The following JRK variants were observed in gnomAD, a reference collection of about 807,000 sequenced individuals.
JRK encodes Jrk helix-turn-helix protein.
For synonymous variants in JRK, 303 were observed against 218.1 expected (o/e 1.39, Z -3.43); for missense variants, 720 against 509.2 (o/e 1.41, Z -3.98).
At position 142,665,896 on chromosome 8, in the gene JRK, T is replaced by C. The variant is rs1554635951; in HGVS notation, c.163A>G (p.Ile55Val). 4 of 788,120 alleles carry C rather than the reference T, an allele frequency of 5.1e-6. No homozygotes were observed. Among genetic ancestry groups the C allele is most frequent in the Non-Finnish European group, 7.1e-6 (3 of 425,362 alleles). The allele number at this position is 788,120 out of a possible 1,614,324, so 48.8% of individuals were successfully genotyped here. Residue 55 changes from isoleucine (I) to valine (V), a missense_variant, in exon 2 of 2, where the codon ATC becomes GTC. Transcript: ENST00000612905. ...AGCAGCTGCGCCTTGTGGGCCCTGA[T>C]GTCGTAGAGGGTGGACATGCCCACA... ...YNVGMSTLYD[I>V]RAHKAQLLRF...
intron 1 of JRK, among the ~76,000 whole-genome samples, chr8:142,668,863 G>C (rs1847218089): frequency 6.6e-6 from 1 of 151,738 alleles, no homozygotes; most frequent in East Asian, 2.0e-4. Context: ...GTCTGGTGCT[G>C]AGTCTCCTCC....
At chr8:142,645,417 T>C in the JRK span, among the ~76,000 whole-genome samples, 1 of 152,208 alleles carries the variant, frequency 6.6e-6, no homozygotes. Flanking sequence ...CGATGGCTCA[T>C]GCCTGCAATC....
intron 1 of JRK, among the ~76,000 whole-genome samples, chr8:142,666,861 C>A (rs1261546641): frequency 6.6e-6 from 1 of 152,184 alleles, no homozygotes; most frequent in Non-Finnish European, 1.5e-5. Flanking sequence ...CCAGGAAGTC[C>A]GATGCTGGGC....
rs1359405458 is a variant in JRK at position 142,658,598 on chromosome 8, G to A, written c.*5754C>T. 15 of 352,094 alleles carry A rather than the reference G, an allele frequency of 4.3e-5. No homozygotes were observed. Among genetic ancestry groups the A allele is most frequent in the Middle Eastern group, 8.8e-4 (1 of 1,140 alleles). The allele number at this position is 352,094 out of a possible 1,614,324, so 21.8% of individuals were successfully genotyped here. On this transcript the variant is annotated 3_prime_UTR_variant, in exon 2 of 2. Coordinates refer to ENST00000612905, the MANE Select transcript of JRK (RefSeq NM_003724.4). The stretch of plus-strand genomic sequence containing the variant: ...TTCCTTCCTTTTCTTATAAGGACTC[G>A]ATCTCATCGGCGAGCCCCACCCTCA...
At position 142,664,492 on chromosome 8, in the gene JRK, G is replaced by A. The variant is rs782177897; in HGVS notation, c.1567C>T (p.Arg523Trp). ...GQLRALRAVF[R>W]SQQQVRRRRG... is the part of the protein sequence containing the mutation. ...CGCCTCCTCACCTGCTGCTGGCTCC[G>A]GAACACGGCACGCAGCGCCCGCAGC... The change falls in exon 2 of 2, where the codon CGG becomes TGG. Residue 523 changes from arginine to tryptophan, a missense_variant. Physicochemically the swap from Arg to Trp is moderately radical, Grantham distance 101. Coordinates refer to ENST00000612905, the MANE Select transcript of JRK (RefSeq NM_003724.4). The A allele has an allele frequency of 5.1e-5, 82 of 1,610,408 alleles. 1 individual carries two copies. Among genetic ancestry groups the A allele is most frequent in the South Asian group, 2.3e-4 (21 of 90,644 alleles).
intron 1 of JRK, among the ~76,000 whole-genome samples, chr8:142,666,996 C>A (rs141391810): frequency 6.6e-5 from 10 of 152,280 alleles, no homozygotes; most frequent in Middle Eastern, 3.4e-3. Flanking sequence ...TGGAGGGATG[C>A]AGGGAGGAGG....
chr8:142,645,174 T>G, the JRK span, among the ~76,000 whole-genome samples: 6 of 152,204 alleles, frequency 3.9e-5, no homozygotes, highest in African/African-American at 9.6e-5. Flanking sequence ...CTGTCAGTGT[T>G]TAAAATTTAG....
intron 1 of JRK, among the ~76,000 whole-genome samples, chr8:142,668,976 G>C (rs1847222154): frequency 6.6e-6 from 1 of 151,888 alleles, no homozygotes. Context: ...CTTGCGACTG[G>C]AGAGGAAGCA....
In JRK at chr8:142,660,130, G is replaced by A. The variant is rs1429714409; in HGVS notation, c.*4222C>T. On this transcript the variant is annotated 3_prime_UTR_variant, in exon 2 of 2. Coordinates refer to ENST00000612905, the MANE Select transcript of JRK (RefSeq NM_003724.4). ...CTGGGCAGGGAAGAGGACAAACAAGGTCTCACAGGTCCATTCTCCCCAGCC... is the reference window on the plus strand; with the variant it reads ...CTGGGCAGGGAAGAGGACAAACAAGATCTCACAGGTCCATTCTCCCCAGCC... The A allele has an allele frequency of 1.0e-6, 1 of 985,412 alleles. No individual in the cohort carries two copies. Among genetic ancestry groups the A allele is most frequent in the Non-Finnish European group, 1.2e-6 (1 of 830,032 alleles). 61.0% of individuals were successfully genotyped at this position (985,412 alleles called of 1,614,324 possible).
rs1554634082 is a variant in JRK, at chr8:142,658,810, G to C, written c.*5542C>G. On this transcript the variant is annotated 3_prime_UTR_variant, in exon 2 of 2. Coordinates refer to ENST00000612905, the MANE Select transcript of JRK (RefSeq NM_003724.4). ...AACCTCAAGGGCACTGGTGGGGACA[G>C]AGGGGTCTTACCCAGCACTGCCATG... is the stretch of plus-strand genomic sequence containing the variant. 1.3e-6 allele frequency: 2 copies of C among 1,590,432 alleles called. No individual in the cohort carries two copies. Among genetic ancestry groups the C allele is most frequent in the South Asian group, 1.1e-5 (1 of 87,364 alleles).
chr8:142,669,195 T>TGTGTGTGC (rs1375565668), intron 1 of JRK, among the ~76,000 whole-genome samples: 2 of 63,036 alleles, frequency 3.2e-5, no homozygotes, highest in African/African-American at 1.6e-4. Context: ...TGTGTGTGTG[T>TGTGTGTGC]GTGTGCGTGT....
rs189778534 is a variant in JRK at position 142,659,441 on chromosome 8, G to C, written c.*4911C>G. The C allele has an allele frequency of 1.0e-6, 1 of 986,278 alleles. No individual in the cohort carries two copies. Among genetic ancestry groups the C allele is most frequent in the Admixed American group, 6.1e-5 (1 of 16,416 alleles). 61.1% of individuals were successfully genotyped at this position (986,278 alleles called of 1,614,324 possible). ...GACATAGAGGGCCTTTGAGCACCTC[G>C]TAGCTTGCTTCCCAGCCAGCCTGGG... On this transcript the variant is annotated 3_prime_UTR_variant, in exon 2 of 2. Coordinates refer to ENST00000612905, the MANE Select transcript of JRK (RefSeq NM_003724.4).
downstream of JRK, among the ~76,000 whole-genome samples, chr8:142,655,580 G>A (rs188074890): frequency 7.9e-4 from 116 of 146,090 alleles, no homozygotes; most frequent in Admixed American, 2.2e-3. Flanking sequence ...TGAGATCCCA[G>A]GCTGTGGAGT....
rs587669418 is a variant in JRK at position 142,665,559 on chromosome 8, G to T, written c.500C>A (p.Ala167Glu). The T allele has an allele frequency of 1.4e-6, 1 of 718,396 alleles. No individual in the cohort carries two copies. Among genetic ancestry groups the T allele is most frequent in the South Asian group, 1.5e-5 (1 of 67,614 alleles). 44.5% of individuals were successfully genotyped at this position (718,396 alleles called of 1,614,324 possible). Residue 167 changes from alanine (A) to glutamate (E), a missense_variant, in exon 2 of 2, where the codon GCG becomes GAG. Physicochemically the swap from Ala to Glu is moderately radical, Grantham distance 107. Coordinates refer to ENST00000612905, the MANE Select transcript of JRK (RefSeq NM_003724.4). ...CTCAGCAGCCAAGCTCCTGAAAAAC[G>T]CACAGAACTGCTCCGCGGCCTGGTG... The part of the protein sequence containing the change: ...ADHQAAEQFC[A>E]FFRSLAAEHG...
the JRK span, among the ~76,000 whole-genome samples, chr8:142,643,775 GT>G: frequency 6.6e-6 from 1 of 152,218 alleles, no homozygotes; most frequent in Non-Finnish European, 1.5e-5. Context: ...AAAGTAACCA[GT>G]TTCTCCAAGT....
intron 1 of JRK, among the ~76,000 whole-genome samples, chr8:142,668,153 G>A (rs587711498): frequency 2.0e-5 from 3 of 152,330 alleles, no homozygotes; most frequent in South Asian, 2.1e-4. Context: ...CCTCCCTCCC[G>A]CGTCCTTACC....
chr8:142,665,979 T>C lies in JRK; in HGVS notation c.80A>G (p.Asp27Gly). 1 of 1,190,356 alleles carries C rather than the reference T, an allele frequency of 8.4e-7. No individual in the cohort carries two copies. Among genetic ancestry groups the C allele is most frequent in the Non-Finnish European group, 1.3e-6 (1 of 793,130 alleles). 73.7% of individuals were successfully genotyped at this position (1,190,356 alleles called of 1,614,324 possible). Residue 27 changes from aspartate (D) to glycine (G), a missense_variant, in exon 2 of 2, where the codon GAC (aspartate) becomes GGC (glycine). Physicochemically the swap from Asp to Gly is moderately conservative, Grantham distance 94 (BLOSUM62 -1). Transcript: ENST00000612905. Reference protein sequence around the residue: ...RVVLTLKEKIDICTRLEKGES... With the variant: ...RVVLTLKEKIGICTRLEKGES... ...GCCCTTCTCCAGGCGCGTGCAGATG[T>C]CAATCTTCTCCTTCAGTGTCAGCAC...
chr8:142,659,798 G>C lies in JRK; in HGVS notation c.*4554C>G. ...GTGGAGAACGTGAGGCTGGTCATTA[G>C]GAGCAGGTAGCCCTGGGTCTCCCTC... is the stretch of plus-strand genomic sequence containing the variant. On this transcript the variant is annotated 3_prime_UTR_variant, in exon 2 of 2. Transcript: ENST00000612905. The C allele has an allele frequency of 2.0e-6, 2 of 985,586 alleles. No individual in the cohort carries two copies. Among genetic ancestry groups the C allele is most frequent in the Non-Finnish European group, 2.4e-6 (2 of 830,032 alleles). 61.1% of individuals were successfully genotyped at this position (985,586 alleles called of 1,614,324 possible).
rs781844573 is a variant in JRK at position 142,664,464 on chromosome 8, C to T, written c.1595G>A (p.Arg532His). The T allele has an allele frequency of 6.2e-6, 10 of 1,611,490 alleles. No homozygotes were observed. The Admixed American group carries it at 8.4e-5, about 13-fold the overall frequency. Reference sequence around the variant, plus strand: ...CTTGACCACAGCCCCGAGGGCACCACGCCGCCTCCTCACCTGCTGCTGGCT... The same window carrying T: ...CTTGACCACAGCCCCGAGGGCACCATGCCGCCTCCTCACCTGCTGCTGGCT... ...FRSQQQVRRRRGALGAVVKVE... is the reference protein window; with the variant it reads ...FRSQQQVRRRHGALGAVVKVE... Residue 532 changes from arginine (R) to histidine (H), a missense_variant, in exon 2 of 2, where the codon CGT becomes CAT. By Grantham distance (29) the Arg-to-His change is conservative. Coordinates refer to ENST00000612905, the MANE Select transcript of JRK (RefSeq NM_003724.4).
Sources: gnomAD v4.1 joint callset for allele counts (sites outside exome capture counted in the v4.1 genomes callset) on GRCh38, gnomAD v4.1.1 for gene constraint, MANE v1.5 for transcripts, NCBI Gene and HGNC (gene_info 2026-07-23, HGNC 2026-07-21) for gene names.